The following NTM variants were observed in gnomAD, a reference collection of about 807,000 sequenced individuals.
The protein encoded by NTM is IgLON family member 2.
In NTM, 13 loss-of-function variants were observed where a neutral mutation model predicts 42.1. That is an observed-to-expected ratio of 0.31 (90% CI 0.20 to 0.49). The LOEUF is 0.49. Among genes scored for constraint, NTM ranks in the 20% least tolerant of loss-of-function variants. NTM has a pLI of 0.99. For missense variants in NTM, 373 were observed against 452.8 expected (o/e 0.82, Z 1.60); for synonymous variants, 187 against 179.2 (o/e 1.04, Z -0.35).
intron 3 of NTM, among the ~76,000 whole-genome samples, chr11:132,173,794 G>A (rs1049080931): frequency 3.9e-5 from 6 of 152,212 alleles, no homozygotes; most frequent in African/African-American, 1.4e-4. Context: ...CAGCTGCAGA[G>A]ATACTGTTGC....
At chr11:132,207,426 C>G (rs1460330970) in intron 3 of NTM, among the ~76,000 whole-genome samples, 1 of 152,174 alleles carries the variant, frequency 6.6e-6, no homozygotes, top group African/African-American at 2.4e-5. Context: ...TGCAGGAAAA[C>G]AAGTTCAGGG....
chr11:132,082,057 A>G (rs1235026960), intron 2 of NTM, among the ~76,000 whole-genome samples: 1 of 135,836 alleles, frequency 7.4e-6, no homozygotes, highest in East Asian at 1.9e-4. Flanking sequence ...ATGGAATTAA[A>G]AGATAAAAAA....
intron 1 of NTM, among the ~76,000 whole-genome samples, chr11:131,883,072 G>A (rs1450674880): frequency 6.6e-6 from 1 of 152,130 alleles, no homozygotes; most frequent in Admixed American, 6.5e-5. Context: ...CTGCCAAAAG[G>A]ACTTCTGTGC....
Position 131,991,942 on chromosome 11 carries a change from C to T in NTM, c.167+80294C>T, listed in dbSNP as rs79488484. Among the ~76,000 whole-genome samples, 622 of 152,248 alleles carry T rather than the reference C, an allele frequency of 4.1e-3. 6 individuals carry two copies. Among genetic ancestry groups the T allele is most frequent in the African/African-American group, 0.014 (580 of 41,556 alleles). ...CATATTTTCATGAAGTGCTTATAGTCCGTGTTTATTAATCTGCATCATTCT... is the reference window on the plus strand; with the variant it reads ...CATATTTTCATGAAGTGCTTATAGTTCGTGTTTATTAATCTGCATCATTCT... On this transcript the variant is annotated intron_variant, in intron 2 of 8. Coordinates refer to ENST00000683400, the MANE Select transcript of NTM (RefSeq NM_001352005.2).
intron 2 of NTM, among the ~76,000 whole-genome samples, chr11:132,021,906 C>A (rs2074402471): frequency 6.6e-6 from 1 of 152,342 alleles, no homozygotes; most frequent in African/African-American, 2.4e-5. Flanking sequence ...TCAGTGTCAA[C>A]TAAGAATATA....
intron 4 of NTM, among the ~76,000 whole-genome samples, chr11:132,230,748 G>A (rs1215560674): frequency 1.3e-5 from 2 of 152,216 alleles, no homozygotes; most frequent in South Asian, 2.1e-4. Context: ...CTCAGGATTG[G>A]TGTGGTGGCG....
At chr11:131,390,066 A>G (rs1424629944) in intron 1 of NTM, among the ~76,000 whole-genome samples, 3 of 152,158 alleles carry the variant, frequency 2.0e-5, no homozygotes, top group Non-Finnish European at 4.4e-5. Flanking sequence ...TACAAAGAAA[A>G]GAGGTTTATT....
intron 2 of NTM, among the ~76,000 whole-genome samples, chr11:131,915,570 T>C (rs2056173696): frequency 6.6e-6 from 1 of 152,160 alleles, no homozygotes; most frequent in African/African-American, 2.4e-5. Flanking sequence ...CAATCAGAAA[T>C]GTATTGAGTG....
chr11:132,146,209 C>T lies in NTM; in HGVS notation c.168-73C>T. ...AGAAAGACAAGATATTCTAGCCTTGCCATGAGGACCTCCCTCTGATGGCTG... is the reference window on the plus strand; with the variant it reads ...AGAAAGACAAGATATTCTAGCCTTGTCATGAGGACCTCCCTCTGATGGCTG... On this transcript the variant is annotated intron_variant, in intron 2 of 8. Transcript: ENST00000683400. This position sits in a 1 kb window ranked among gnomAD's most constrained non-coding sequence, Gnocchi z 4.5. 6.3e-7 allele frequency: 1 copy of T among 1,576,338 alleles called. No individual in the cohort carries two copies. The highest frequency in any genetic ancestry group is 1.2e-5 in the South Asian group (1 of 85,016).
At position 131,884,918 on chromosome 11, in the gene NTM, A is replaced by T. The variant is rs140086590; in HGVS notation, c.83-26646A>T. 2.8e-3 allele frequency among the ~76,000 whole-genome samples: 431 copies of T among 152,296 alleles called. 5 individuals are homozygous for T. Among genetic ancestry groups the T allele is most frequent in the South Asian group, 0.013 (61 of 4,820 alleles). On this transcript the variant is annotated intron_variant, in intron 1 of 8. Transcript: ENST00000683400. ...TTTAGGTGCATTCAACCTTCACAGCATACCATGAGGCAGGGGCAGTTAGTG... is the reference window on the plus strand; with the variant it reads ...TTTAGGTGCATTCAACCTTCACAGCTTACCATGAGGCAGGGGCAGTTAGTG...
chr11:131,704,141 T>C (rs1002654654), intron 1 of NTM, among the ~76,000 whole-genome samples: 1 of 152,138 alleles, frequency 6.6e-6, no homozygotes, highest in African/African-American at 2.4e-5. Flanking sequence ...GATAACTCAA[T>C]CACCAGGCTG....
At chr11:131,775,032 CTCGCCCAG>C (rs1415211237) in intron 1 of NTM, among the ~76,000 whole-genome samples, 1 of 152,184 alleles carries the variant, frequency 6.6e-6, no homozygotes, top group Non-Finnish European at 1.5e-5. Flanking sequence ...AAGGTGAATG[CTCGCCCAG>C]TTTACAGTCA....
intron 1 of NTM, among the ~76,000 whole-genome samples, chr11:131,376,937 G>A (rs145297324): frequency 9.2e-5 from 14 of 152,274 alleles, no homozygotes; most frequent in Non-Finnish European, 1.8e-4. Flanking sequence ...AGATAAAACA[G>A]CGATGAAAAA....
At chr11:131,631,342 A>C (rs1271379484) in intron 1 of NTM, among the ~76,000 whole-genome samples, 1 of 152,238 alleles carries the variant, frequency 6.6e-6, no homozygotes, top group Non-Finnish European at 1.5e-5. Context: ...GAACTAAAAA[A>C]AGTTTTCAAT....
chr11:131,393,210 C>T (rs1944222518), intron 1 of NTM, among the ~76,000 whole-genome samples: 1 of 152,176 alleles, frequency 6.6e-6, no homozygotes, highest in Non-Finnish European at 1.5e-5. Context: ...ATTGTCCTTC[C>T]CAAAACTCTG....
intron 7 of NTM, among the ~76,000 whole-genome samples, chr11:132,316,062 C>A (rs2095420606): frequency 6.6e-6 from 1 of 152,106 alleles, no homozygotes; most frequent in African/African-American, 2.4e-5. Context: ...CCCATTAACC[C>A]AAGTCCTGCT....
At chr11:131,689,582 C>A (rs1246124887) in intron 1 of NTM, among the ~76,000 whole-genome samples, 1 of 152,214 alleles carries the variant, frequency 6.6e-6, no homozygotes, top group Non-Finnish European at 1.5e-5. Context: ...AGCACTCAGT[C>A]CTTCACAGAT....
intron 3 of NTM, among the ~76,000 whole-genome samples, chr11:132,173,152 A>G (rs1176914021): frequency 1.3e-5 from 2 of 152,226 alleles, no homozygotes; most frequent in South Asian, 2.1e-4. Flanking sequence ...GTCTTTATGC[A>G]GAGAATCTGC....
At chr11:132,214,671 A>C (rs1592271012) in intron 4 of NTM, among the ~76,000 whole-genome samples, 2 of 152,208 alleles carry the variant, frequency 1.3e-5, no homozygotes, top group African/African-American at 2.4e-5. Flanking sequence ...GCTGATGTTC[A>C]CAAGGCTGTG....
Sources: allele counts gnomAD v4.1 joint callset (sites outside exome capture counted in the v4.1 genomes callset), GRCh38; gene constraint gnomAD v4.1.1; non-coding constraint Gnocchi (gnomAD v3.1); transcripts MANE v1.5; gene names NCBI Gene and HGNC (gene_info 2026-07-23, HGNC 2026-07-21).